Variants in ADAM32 observed in about 807,000 individuals in gnomAD.
ADAM32 encodes the protein disintegrin and metalloproteinase domain-containing protein 32.
A neutral mutation model predicts 114.9 loss-of-function variants in ADAM32; 89 were observed. The ratio of observed to expected loss-of-function variants is 0.77; its 90% CI spans 0.65 to 0.92. The LOEUF (loss-of-function observed/expected upper bound fraction) is 0.92. ADAM32 is among the 40% of genes least tolerant of loss of function. The pLI is 0.00. For missense variants in ADAM32, 870 were observed against 932.8 expected (o/e 0.93, Z 0.88); for synonymous variants, 285 against 307.5 (o/e 0.93, Z 0.77).
intron 17 of ADAM32, among the ~76,000 whole-genome samples, chr8:39,253,645 A>G (rs144248254): frequency 2.0e-5 from 3 of 151,822 alleles, no homozygotes; most frequent in East Asian, 1.9e-4. Flanking sequence ...AGGAAAGGAG[A>G]TTAGTTAAAC....
At chr8:39,131,577 A>G (rs1802459247) in intron 2 of ADAM32, among the ~76,000 whole-genome samples, 1 of 152,132 alleles carries the variant, frequency 6.6e-6, no homozygotes, top group African/African-American at 2.4e-5. Context: ...AAGTTTCCAA[A>G]TAGGATTATT....
chr8:39,161,860 A>C (rs1452699747), intron 7 of ADAM32, among the ~76,000 whole-genome samples: 1 of 152,046 alleles, frequency 6.6e-6, no homozygotes, highest in Non-Finnish European at 1.5e-5. Flanking sequence ...AGAAAATTGA[A>C]GTATTTCTGA....
intron 11 of ADAM32, among the ~76,000 whole-genome samples, chr8:39,205,430 C>T (rs1019708921): frequency 7.2e-5 from 11 of 152,184 alleles, no homozygotes; most frequent in South Asian, 2.1e-4. Flanking sequence ...CTGAGCCAGG[C>T]GTGGGATATA....
chr8:39,139,998 T>A lies in ADAM32; in HGVS notation c.200+3280T>A, dbSNP rs1032245031. Among the ~76,000 whole-genome samples, 9 of 152,212 alleles carry A rather than the reference T, an allele frequency of 5.9e-5. No homozygotes were observed. In the South Asian group the frequency reaches 1.7e-3, roughly 28 times the overall value. On this transcript the variant is annotated intron_variant, in intron 3 of 24. Transcript: ENST00000379907. ...TTTGTCTATCATTGGTATATAGGAA[T>A]GCTTGTGATTTTTGCACATTGATTT...
chr8:39,261,746 A>G (rs1025757160), intron 19 of ADAM32, among the ~76,000 whole-genome samples: 1 of 152,022 alleles, frequency 6.6e-6, no homozygotes, highest in African/African-American at 2.4e-5. Flanking sequence ...AGCCATACTA[A>G]CTGGGGTGCG....
At chr8:39,284,274 C>T (rs1813635742) in intron 24 of ADAM32, among the ~76,000 whole-genome samples, 1 of 151,914 alleles carries the variant, frequency 6.6e-6, no homozygotes, top group African/African-American at 2.4e-5. Flanking sequence ...AATCTGTAAT[C>T]AGGACCATTT....
intron 16 of ADAM32, among the ~76,000 whole-genome samples, chr8:39,242,634 A>C (rs547576441): frequency 6.6e-6 from 1 of 152,266 alleles, no homozygotes; most frequent in South Asian, 2.1e-4. Flanking sequence ...TCCATGATTC[A>C]ATTACCTCCC....
At chr8:39,271,778 T>C (rs1248017910) in intron 20 of ADAM32, among the ~76,000 whole-genome samples, 1 of 151,988 alleles carries the variant, frequency 6.6e-6, no homozygotes, top group African/African-American at 2.4e-5. Flanking sequence ...TCTTGGACTT[T>C]TACAAAATTG....
At chr8:39,199,280 A>G (rs1239871507) in intron 11 of ADAM32, among the ~76,000 whole-genome samples, 1 of 152,174 alleles carries the variant, frequency 6.6e-6, no homozygotes, top group African/African-American at 2.4e-5. Context: ...AGTTTCAGCT[A>G]TTATTCCTTA....
chr8:39,271,432 A>G (rs1812711049), intron 20 of ADAM32, among the ~76,000 whole-genome samples: 1 of 148,776 alleles, frequency 6.7e-6, no homozygotes, highest in Non-Finnish European at 1.5e-5. Context: ...CAGAATTCTC[A>G]TGAGACAATC....
intron 3 of ADAM32, among the ~76,000 whole-genome samples, chr8:39,143,487 G>T (rs900216497): frequency 3.3e-5 from 5 of 152,150 alleles, no homozygotes; most frequent in Non-Finnish European, 4.4e-5. Context: ...GTCTGTTGGA[G>T]TTTGCTGTAG....
At chr8:39,111,866 C>T (rs1295599483) in intron 1 of ADAM32, among the ~76,000 whole-genome samples, 1 of 151,752 alleles carries the variant, frequency 6.6e-6, no homozygotes, top group African/African-American at 2.4e-5. Flanking sequence ...GCTATGATAC[C>T]TGCTAGATTT....
intron 12 of ADAM32, among the ~76,000 whole-genome samples, chr8:39,215,708 T>C (rs1279378018): frequency 1.3e-5 from 2 of 152,060 alleles, no homozygotes; most frequent in African/African-American, 4.8e-5. Flanking sequence ...AAAATTCCTC[T>C]TGTTATTCGT....
intron 11 of ADAM32, among the ~76,000 whole-genome samples, chr8:39,199,682 T>C (rs897127629): frequency 6.6e-6 from 1 of 152,142 alleles, no homozygotes; most frequent in African/African-American, 2.4e-5. Context: ...GCAGGTTTGT[T>C]ACATATGTAT....
chr8:39,276,922 G>C (rs1813110885), intron 22 of ADAM32, among the ~76,000 whole-genome samples: 1 of 152,136 alleles, frequency 6.6e-6, no homozygotes, highest in Non-Finnish European at 1.5e-5. Flanking sequence ...CTAGCATGTA[G>C]CAGAGTGCTC....
chr8:39,154,052 A>G lies in ADAM32; in HGVS notation c.525+2504A>G, dbSNP rs866659344. 4.7e-5 allele frequency among the ~76,000 whole-genome samples: 7 copies of G among 149,808 alleles called. No individual in the cohort carries two copies. In the South Asian group the frequency reaches 1.5e-3, roughly 32 times the overall value. ...GTTCCTCATATATATATATATATGT[A>G]ATTATACTTTAAGTTCTGGGGTACA... On this transcript the variant is annotated intron_variant, in intron 6 of 24. Transcript: ENST00000379907.
At chr8:39,125,556 C>G (rs190969575) in intron 2 of ADAM32, among the ~76,000 whole-genome samples, 3 of 152,224 alleles carry the variant, frequency 2.0e-5, no homozygotes, top group Admixed American at 2.0e-4. Context: ...TAGGGGTACT[C>G]GATTCTTCAT....
intron 10 of ADAM32, among the ~76,000 whole-genome samples, chr8:39,175,169 CTTTA>C (rs143000264): frequency 0.027 from 4,162 of 152,078 alleles, 209 homozygotes; most frequent in African/African-American, 0.095. Flanking sequence ...TTTGAATTCC[CTTTA>C]TTTTTTTATT....
intron 19 of ADAM32, 43 bp from the exon 20 acceptor site, chr8:39,270,833 G>A: frequency 1.3e-6 from 2 of 1,544,422 alleles, no homozygotes; most frequent in Admixed American, 1.8e-5. Flanking sequence ...AAGTTGGCAA[G>A]TTTTCTAAGT....
Sources: allele counts gnomAD v4.1 joint callset (sites outside exome capture counted in the v4.1 genomes callset), GRCh38; gene constraint gnomAD v4.1.1; transcripts MANE v1.5; gene names NCBI Gene and HGNC (gene_info 2026-07-23, HGNC 2026-07-21).